The following ADAMTS12 variants were observed in gnomAD, a reference collection of about 807,000 sequenced individuals.
The protein encoded by ADAMTS12 is A disintegrin and metalloproteinase with thrombospondin motifs 12.
A neutral mutation model predicts 167.8 loss-of-function variants in ADAMTS12; 118 were observed. The observed-to-expected ratio is 0.70, with a 90% CI of 0.61 to 0.82. The LOEUF (loss-of-function observed/expected upper bound fraction) is 0.82. ADAMTS12 is among the 40% of genes least tolerant of loss of function. The probability of loss-of-function intolerance (pLI) is 0.00; values close to 1 mark genes in which losing one functional copy is unlikely to be tolerated. For missense variants in ADAMTS12, 1,916 were observed against 1,998.8 expected, an observed-to-expected ratio of 0.96 and a Z score of 0.79; for synonymous variants, 704 against 716.9, an observed-to-expected ratio of 0.98 and a Z score of 0.29.
intron 2 of ADAMTS12, among the ~76,000 whole-genome samples, chr5:33,783,446 C>T (rs1746214503): frequency 6.6e-6 from 1 of 151,620 alleles, no homozygotes; most frequent in Admixed American, 6.6e-5. Flanking sequence ...AAACCAAAGG[C>T]AGGTTCTTTG....
In ADAMTS12 at chr5:33,656,161, C is replaced by G. The variant is rs530118193; in HGVS notation, c.1190+2023G>C. 2.6e-5 allele frequency among the ~76,000 whole-genome samples: 4 copies of G among 152,202 alleles called. No homozygotes were observed. The East Asian group carries it at 5.8e-4, about 22-fold the overall frequency. On this transcript the variant is annotated intron_variant, in intron 7 of 23. Coordinates refer to ENST00000504830, the MANE Select transcript of ADAMTS12 (RefSeq NM_030955.4). Reference sequence around the variant, plus strand: ...TATTTCCACAATGCATCAGATAGTTCTGAACGAGTGTTCAGTTTAAACTTA... The same window carrying G: ...TATTTCCACAATGCATCAGATAGTTGTGAACGAGTGTTCAGTTTAAACTTA...
At chr5:33,618,425 T>A (rs1193226481) in intron 14 of ADAMTS12, among the ~76,000 whole-genome samples, 1 of 152,220 alleles carries the variant, frequency 6.6e-6, no homozygotes, top group Non-Finnish European at 1.5e-5. Context: ...CTAAAAGTGT[T>A]CTATATGGTA....
intron 18 of ADAMTS12, among the ~76,000 whole-genome samples, chr5:33,586,239 T>C (rs1447477811): frequency 6.6e-6 from 1 of 152,214 alleles, no homozygotes; most frequent in Non-Finnish European, 1.5e-5. Flanking sequence ...CTGGGCATAG[T>C]TAGAATGTCA....
intron 2 of ADAMTS12, among the ~76,000 whole-genome samples, chr5:33,847,607 G>A (rs1343333752): frequency 6.7e-6 from 1 of 148,676 alleles, no homozygotes; most frequent in Admixed American, 6.7e-5. Context: ...TGGGCAACAA[G>A]AGCAAAACTC....
At chr5:33,760,879 C>CTG (rs61110268) in intron 2 of ADAMTS12, among the ~76,000 whole-genome samples, 8,977 of 145,480 alleles carry the variant, frequency 0.062, 318 homozygotes, top group Middle Eastern at 0.15. Flanking sequence ...TGTCTTTGCT[C>CTG]TGTGTGTGTG....
chr5:33,870,038 GT>G (rs1443593078), intron 2 of ADAMTS12, among the ~76,000 whole-genome samples: 1 of 152,106 alleles, frequency 6.6e-6, no homozygotes, highest in Non-Finnish European at 1.5e-5. Context: ...TCTCTTACCA[GT>G]TTTTGGCAAT....
At chr5:33,550,837 A>G (rs1260430666) in intron 20 of ADAMTS12, among the ~76,000 whole-genome samples, 2 of 152,118 alleles carry the variant, frequency 1.3e-5, no homozygotes, top group Admixed American at 6.5e-5. Context: ...GATCCCTAGC[A>G]CAGGGACAGA....
chr5:33,639,776 T>C (rs1045403735), intron 11 of ADAMTS12, among the ~76,000 whole-genome samples: 2 of 152,182 alleles, frequency 1.3e-5, no homozygotes, highest in African/African-American at 4.8e-5. Context: ...GCAGCTGTAA[T>C]TCTTGTTGAT....
intron 23 of ADAMTS12, among the ~76,000 whole-genome samples, chr5:33,532,163 T>G (rs1480260629): frequency 1.3e-5 from 2 of 152,208 alleles, no homozygotes; most frequent in Non-Finnish European, 2.9e-5. Context: ...GTTATATGCC[T>G]GTATCTTTGT....
intron 3 of ADAMTS12, chr5:33,751,155 T>G (rs527652607): frequency 3.5e-5 from 18 of 509,126 alleles, no homozygotes; most frequent in African/African-American, 2.9e-4. Context: ...GCAAAGATGC[T>G]TTTATTTCCT....
intron 22 of ADAMTS12, among the ~76,000 whole-genome samples, chr5:33,538,729 A>G (rs1429571558): frequency 6.6e-6 from 1 of 152,144 alleles, no homozygotes; most frequent in African/African-American, 2.4e-5. Context: ...ACACCAAGCG[A>G]TGGTCAGTTA....
intron 2 of ADAMTS12, among the ~76,000 whole-genome samples, chr5:33,761,089 A>T (rs1462290244): frequency 6.6e-6 from 1 of 152,258 alleles, no homozygotes; most frequent in Non-Finnish European, 1.5e-5. Flanking sequence ...TAGTGAAAGC[A>T]CTTTCCCCGT....
At chr5:33,620,750 C>T (rs1345668399) in intron 14 of ADAMTS12, among the ~76,000 whole-genome samples, 1 of 152,162 alleles carries the variant, frequency 6.6e-6, no homozygotes, top group African/African-American at 2.4e-5. Flanking sequence ...TTTATGCACT[C>T]ATGGCATACC....
intron 14 of ADAMTS12, 29 bp downstream of exon 14, chr5:33,624,202 G>A (rs372054141): frequency 5.6e-6 from 9 of 1,613,112 alleles, no homozygotes; most frequent in Non-Finnish European, 7.6e-6. Flanking sequence ...TTGGTCCCCT[G>A]CCACTTCGAT....
chr5:33,842,743 A>G, intron 2 of ADAMTS12, among the ~76,000 whole-genome samples: 1 of 152,144 alleles, frequency 6.6e-6, no homozygotes, highest in Admixed American at 6.5e-5. Flanking sequence ...TGACCCATAA[A>G]AGGACAGAAG....
chr5:33,619,802 C>T (rs1739218600), intron 14 of ADAMTS12, among the ~76,000 whole-genome samples: 2 of 152,200 alleles, frequency 1.3e-5, no homozygotes, highest in African/African-American at 4.8e-5. Flanking sequence ...TCAAGCGATT[C>T]TCCTGCCTCA....
At chr5:33,545,861 G>A (rs1373132765) in intron 22 of ADAMTS12, among the ~76,000 whole-genome samples, 198 bp downstream of exon 22, 5 of 151,740 alleles carry the variant, frequency 3.3e-5, no homozygotes, top group Non-Finnish European at 7.4e-5. Flanking sequence ...GGGCCTGTCG[G>A]GGGGTGGGGG....
chr5:33,857,319 T>C (rs1749440701), intron 2 of ADAMTS12, among the ~76,000 whole-genome samples: 1 of 152,258 alleles, frequency 6.6e-6, no homozygotes, highest in East Asian at 1.9e-4. Flanking sequence ...TGTAAGATGA[T>C]TAATTTCTAG....
In ADAMTS12 at chr5:33,891,969, A is replaced by T; in HGVS notation, c.-113T>A. 2.2e-6 allele frequency: 3 copies of T among 1,392,268 alleles called. No individual in the cohort carries two copies. In the South Asian group the frequency reaches 4.3e-5, roughly 20 times the overall value. The allele number at this position is 1,392,268 out of a possible 1,614,324, so 86.2% of individuals were successfully genotyped here. Reference sequence around the variant, plus strand: ...ATGCAGGGGTGCATGGTCAGGCGCGAGAAGGCAGCGACTGCAAAGCTGCCC... The same window carrying T: ...ATGCAGGGGTGCATGGTCAGGCGCGTGAAGGCAGCGACTGCAAAGCTGCCC... On this transcript the variant is annotated 5_prime_UTR_variant, in exon 1 of 24. Coordinates refer to ENST00000504830, the MANE Select transcript of ADAMTS12 (RefSeq NM_030955.4).
Sources: gnomAD v4.1 joint callset for allele counts (sites outside exome capture counted in the v4.1 genomes callset) on GRCh38, gnomAD v4.1.1 for gene constraint, MANE v1.5 for transcripts, NCBI Gene and HGNC (gene_info 2026-07-23, HGNC 2026-07-21) for gene names.